The following FRMD1 variants were observed in gnomAD, a reference collection of about 807,000 sequenced individuals.
FRMD1 encodes FERM domain-containing protein 1.
Under a neutral mutation model 54.9 loss-of-function variants are expected in FRMD1, and 51 were observed. The ratio of observed to expected loss-of-function variants is 0.93; its 90% CI spans 0.74 to 1.17. The LOEUF is 1.17. Among genes scored for constraint, FRMD1 ranks in the 50% most tolerant of loss-of-function variants. The pLI is 0.00. For synonymous variants in FRMD1, 324 were observed against 306.4 expected, an observed-to-expected ratio of 1.06 and a Z score of -0.60; for missense variants, 729 against 743.0, an observed-to-expected ratio of 0.98 and a Z score of 0.22.
Position 168,064,996 on chromosome 6 carries a change from A to C in FRMD1, c.523T>G (p.Cys175Gly), listed in dbSNP as rs765276271. 1.9e-6 allele frequency: 3 copies of C among 1,611,970 alleles called. No individual in the cohort carries two copies. Among genetic ancestry groups the C allele is most frequent in the Non-Finnish European group, 2.5e-6 (3 of 1,179,838 alleles). ...AAGTAGGCTTCCTCCCGGTGAGCGCACTGTGACCTCAGCACGCGCTCCTTC... is the reference window on the plus strand; with the variant it reads ...AAGTAGGCTTCCTCCCGGTGAGCGCCCTGTGACCTCAGCACGCGCTCCTTC... ...HLKERVLRSQ[C>G]AHREEAYFLL... The change falls in exon 5 of 11, where the codon TGC becomes GGC. Residue 175 changes from cysteine (C) to glycine (G), a missense_variant. Physicochemically the swap from Cys to Gly is radical, Grantham distance 159. Coordinates refer to ENST00000283309, the MANE Select transcript of FRMD1 (RefSeq NM_024919.6).
At chr6:168,078,539 C>T (rs1208689827) in intron 1 of FRMD1, among the ~76,000 whole-genome samples, 11 of 148,156 alleles carry the variant, frequency 7.4e-5, no homozygotes, top group Non-Finnish European at 1.2e-4. Flanking sequence ...CTCACCCCCA[C>T]GGCCCTGCTC....
chr6:168,091,107 A>G (rs1376696853), intron 1 of FRMD1, among the ~76,000 whole-genome samples: 2 of 152,204 alleles, frequency 1.3e-5, no homozygotes. Context: ...GTGAACTGCA[A>G]ACTTTTCAGA....
chr6:168,090,436 C>T lies in FRMD1; in HGVS notation c.-12+10989G>A, dbSNP rs76922941. Among the ~76,000 whole-genome samples, 197 of 152,320 alleles carry T rather than the reference C, an allele frequency of 1.3e-3. 4 individuals are homozygous for T. The East Asian group carries it at 0.036, about 28-fold the overall frequency. On this transcript the variant is annotated intron_variant, in intron 1 of 12. Transcript: ENST00000644440. ...TCCCTGGGCTGTAGCCACCCTAGCC[C>T]CTTGCCTCCCTGCCCCTGGGCCTTT...
rs1302023038 is a variant in FRMD1, at chr6:168,059,116, G to T, written c.1407+8C>A. 1.9e-6 allele frequency: 3 copies of T among 1,565,538 alleles called. No individual in the cohort carries two copies. Among genetic ancestry groups the T allele is most frequent in the Non-Finnish European group, 2.6e-6 (3 of 1,159,576 alleles). On this transcript the variant is annotated splice_region_variant and intron_variant, in intron 10 of 10. Transcript: ENST00000283309. This position sits in a 1 kb window ranked among gnomAD's most constrained non-coding sequence, Gnocchi z 4.4. ...GCCAGGGCTTCTGGCCCGTGGGGGG[G>T]ACTCTACCTGGTGCACGGCCTCGGC...
chr6:168,062,940 G>A lies in FRMD1; in HGVS notation c.824C>T (p.Pro275Leu). Reference protein sequence around the residue: ...RLHKDKKEGRPTVILGLALRG... With the variant: ...RLHKDKKEGRLTVILGLALRG... ...GAGGGCCAGTCCCAGGATCACGGTG[G>A]GACGACCTTCCTTCTTATCCTAGAG... The change falls in exon 7 of 11, where the codon CCC becomes CTC. Residue 275 changes from proline (P) to leucine (L), a missense_variant. By Grantham distance (98) the Pro-to-Leu change is moderately conservative (BLOSUM62 -3). Coordinates refer to ENST00000283309, the MANE Select transcript of FRMD1 (RefSeq NM_024919.6). 6.2e-7 allele frequency: 1 copy of A among 1,614,084 alleles called. No individual in the cohort carries two copies. The highest frequency in any genetic ancestry group is 8.5e-7 in the Non-Finnish European group (1 of 1,179,954).
chr6:168,088,989 G>A (rs893569135), intron 1 of FRMD1, among the ~76,000 whole-genome samples: 3 of 146,254 alleles, frequency 2.1e-5, no homozygotes, highest in African/African-American at 5.0e-5. Flanking sequence ...AGTCCTCCCC[G>A]CCAGTTTGGC....
intron 1 of FRMD1, among the ~76,000 whole-genome samples, chr6:168,092,650 C>T (rs1406054351): frequency 6.6e-6 from 1 of 152,220 alleles, no homozygotes; most frequent in Admixed American, 6.5e-5. Flanking sequence ...CCTCACCACA[C>T]ACCAAATTGC....
intron 2 of FRMD1, among the ~76,000 whole-genome samples, chr6:168,069,993 G>A (rs981267658): frequency 2.0e-5 from 3 of 152,156 alleles, no homozygotes; most frequent in African/African-American, 7.2e-5. Context: ...GGGAGGCAGA[G>A]GCAGGTGGAT....
rs1170922621 is a variant in FRMD1, at chr6:168,059,072, A to G, written c.1407+52T>C. Reference sequence around the variant, plus strand: ...GGGCCCCTGACAGGGGACCTAGGAGAAGGGGGTGGAGGAGCAGGGCCAGGG... The same window carrying G: ...GGGCCCCTGACAGGGGACCTAGGAGGAGGGGGTGGAGGAGCAGGGCCAGGG... On this transcript the variant is annotated intron_variant, in intron 10 of 10. Transcript: ENST00000283309. This position sits in a 1 kb window ranked among gnomAD's most constrained non-coding sequence, Gnocchi z 4.4. 1 of 1,419,778 alleles carries G rather than the reference A, an allele frequency of 7.0e-7. No individual in the cohort carries two copies. The highest frequency in any genetic ancestry group is 1.4e-5 in the African/African-American group (1 of 71,572). The allele number at this position is 1,419,778 out of a possible 1,614,324, so 87.9% of individuals were successfully genotyped here. A position where few individuals can be genotyped will look rare whatever the true frequency, so the allele number is the denominator to read the frequency against.
upstream of FRMD1, chr6:168,081,932 C>T (rs111666793): frequency 3.9e-4 from 64 of 164,380 alleles, 1 homozygote; most frequent in Admixed American, 5.0e-4. Flanking sequence ...CTCAATAAAG[C>T]TGTTAAAATA....
At chr6:168,088,885 T>A (rs79219823) in intron 1 of FRMD1, among the ~76,000 whole-genome samples, 2,678 of 44,942 alleles carry the variant, frequency 0.06, 40 homozygotes, top group South Asian at 0.12. Flanking sequence ...TCCCCACTCC[T>A]TGTGTCCGTG....
At chr6:168,080,639 G>A (rs1800801992), upstream of FRMD1, among the ~76,000 whole-genome samples, 1 of 152,168 alleles carries the variant, frequency 6.6e-6, no homozygotes, top group Non-Finnish European at 1.5e-5. Context: ...CAGTGGCAGA[G>A]GGCAGGCAGG....
intron 10 of FRMD1, 121 bp from the exon 11 acceptor site, chr6:168,057,460 C>T: frequency 6.9e-7 from 1 of 1,442,838 alleles, no homozygotes; most frequent in Non-Finnish European, 9.3e-7. Flanking sequence ...CCCTGCGCCG[C>T]AGTGCATGGC....
At chr6:168,091,046 C>A (rs9455951) in intron 1 of FRMD1, among the ~76,000 whole-genome samples, 13 of 152,176 alleles carry the variant, frequency 8.5e-5, no homozygotes, top group Non-Finnish European at 1.6e-4. Flanking sequence ...GGAGAAGGTG[C>A]CTGTAAACTA....
At chr6:168,084,969 C>T (rs1466317860), upstream of FRMD1, among the ~76,000 whole-genome samples, 3 of 152,020 alleles carry the variant, frequency 2.0e-5, no homozygotes, top group South Asian at 2.1e-4. Flanking sequence ...GAGGGCGGGA[C>T]CCACTGCAGG....
chr6:168,065,214 G>A, intron 4 of FRMD1, 157 bp from the exon 5 acceptor site: 1 of 1,416,110 alleles, frequency 7.1e-7, no homozygotes, highest in Non-Finnish European at 9.2e-7. Flanking sequence ...TGTCCCTGCA[G>A]GGCCAGCACG....
chr6:168,068,542 G>A (rs1232477999), intron 2 of FRMD1, among the ~76,000 whole-genome samples: 2 of 152,110 alleles, frequency 1.3e-5, no homozygotes, highest in African/African-American at 2.4e-5. Flanking sequence ...TAAATGCTGT[G>A]GAAGTCTTTG....
intron 7 of FRMD1, 62 bp downstream of exon 7, chr6:168,062,832 G>A (rs1247411714): frequency 6.2e-7 from 1 of 1,602,720 alleles, no homozygotes; most frequent in Non-Finnish European, 8.5e-7. Flanking sequence ...CTCCAGTGGG[G>A]AAGGGAGGAG....
intron 10 of FRMD1, chr6:168,057,655 G>T (rs1406428721): frequency 5.8e-6 from 2 of 346,436 alleles, no homozygotes; most frequent in Non-Finnish European, 1.1e-5. Context: ...TCTGAGTGTG[G>T]GCCTTGAACA....
Sources: allele counts gnomAD v4.1 joint callset (sites outside exome capture counted in the v4.1 genomes callset), GRCh38; gene constraint gnomAD v4.1.1; non-coding constraint Gnocchi (gnomAD v3.1); transcripts MANE v1.5; gene names NCBI Gene and HGNC (gene_info 2026-07-23, HGNC 2026-07-21).